Variants in RERG observed in about 807,000 individuals in gnomAD.
The protein encoded by RERG is ras-related and estrogen-regulated growth inhibitor.
Under a neutral mutation model 23.2 loss-of-function variants are expected in RERG, and 25 were observed. The ratio of observed to expected loss-of-function variants is 1.08; its 90% CI spans 0.79 to 1.50. RERG has a LOEUF of 1.50. Among genes scored for constraint, RERG ranks in the 40% most tolerant of loss-of-function variants. The pLI is 0.00. For synonymous variants in RERG, 81 were observed against 89.1 expected (o/e 0.91, Z 0.51); for missense variants, 253 against 250.1 (o/e 1.01, Z -0.08).
intron 2 of RERG, among the ~76,000 whole-genome samples, chr12:15,160,951 A>G (rs1864595178): frequency 6.6e-6 from 1 of 151,976 alleles, no homozygotes; most frequent in Admixed American, 6.6e-5. Flanking sequence ...CCTGGCCAAC[A>G]TGGTGAAACC....
At chr12:15,138,808 A>C (rs947997853) in intron 2 of RERG, among the ~76,000 whole-genome samples, 2 of 151,870 alleles carry the variant, frequency 1.3e-5, no homozygotes, top group African/African-American at 4.8e-5. Context: ...AGAAGTTTTA[A>C]ATTTTAATAA....
chr12:15,130,805 C>A (rs1295666332), intron 2 of RERG, among the ~76,000 whole-genome samples: 10 of 152,160 alleles, frequency 6.6e-5, no homozygotes, highest in Non-Finnish European at 1.5e-4. Context: ...CTGTACAAAT[C>A]ATTTTTTAAG....
chr12:15,186,642 AG>A (rs1864996600), intron 2 of RERG, among the ~76,000 whole-genome samples: 1 of 152,302 alleles, frequency 6.6e-6, no homozygotes, highest in Admixed American at 6.5e-5. Flanking sequence ...ATTTAGAAGA[AG>A]GAATCAAACA....
At chr12:15,138,851 G>C (rs115989132) in intron 2 of RERG, among the ~76,000 whole-genome samples, 6,186 of 151,410 alleles carry the variant, frequency 0.041, 459 homozygotes, top group African/African-American at 0.14. Flanking sequence ...TATTTTCATG[G>C]ATCTTTCATT....
intron 2 of RERG, among the ~76,000 whole-genome samples, chr12:15,135,371 AT>A (rs1382264555): frequency 1.4e-5 from 2 of 144,094 alleles, no homozygotes; most frequent in African/African-American, 2.5e-5. Context: ...AGACAGTTAT[AT>A]TTTTTTCTTC....
In RERG at chr12:15,109,289, C is replaced by A. The variant is rs145747153; in HGVS notation, c.421G>T (p.Ala141Ser). ...EEGEKLATEL[A>S]CAFYECSACT... ...GCAGAGCACTCGTAAAAAGCACAAGCCAATTCTGTGGCCAGCTTCTCTCCT... is the reference window on the plus strand; with the variant it reads ...GCAGAGCACTCGTAAAAAGCACAAGACAATTCTGTGGCCAGCTTCTCTCCT... The change falls in exon 5 of 5, where the codon GCT (alanine) becomes TCT (serine). Residue 141 changes from alanine (A) to serine (S), a missense_variant. Physicochemically the swap from Ala to Ser is moderately conservative, Grantham distance 99 (BLOSUM62 1). Transcript: ENST00000256953. 23 of 1,614,122 alleles carry A rather than the reference C, an allele frequency of 1.4e-5. No individual in the cohort carries two copies. The East Asian group carries it at 5.1e-4, about 36-fold the overall frequency.
At chr12:15,167,026 T>C (rs1184683023) in intron 2 of RERG, among the ~76,000 whole-genome samples, 1 of 152,268 alleles carries the variant, frequency 6.6e-6, no homozygotes, top group African/African-American at 2.4e-5. Flanking sequence ...GAAAATATAA[T>C]GTCTTACAAG....
chr12:15,186,546 G>GGAGAGGAA (rs1864993826), intron 2 of RERG, among the ~76,000 whole-genome samples: 1 of 152,026 alleles, frequency 6.6e-6, no homozygotes, highest in African/African-American at 2.4e-5. Context: ...AGAAGAGCAA[G>GGAGAGGAA]GAGGAGAGGA....
chr12:15,126,005 G>C (rs1456854056), intron 2 of RERG, among the ~76,000 whole-genome samples: 2 of 150,932 alleles, frequency 1.3e-5, no homozygotes, highest in Non-Finnish European at 3.0e-5. Flanking sequence ...CTAGCCTCAG[G>C]ATCTACATTC....
intron 2 of RERG, among the ~76,000 whole-genome samples, chr12:15,187,569 T>TTG (rs1378766051): frequency 6.6e-6 from 1 of 151,988 alleles, no homozygotes; most frequent in African/African-American, 2.4e-5. Context: ...GAACCTTTTT[T>TTG]TTTTTTGAGA....
At chr12:15,156,656 T>G (rs993188209) in intron 2 of RERG, among the ~76,000 whole-genome samples, 1 of 152,216 alleles carries the variant, frequency 6.6e-6, no homozygotes, top group Non-Finnish European at 1.5e-5. Context: ...TAGTATTTTC[T>G]TTCTAAACAA....
At chr12:15,140,661 G>C (rs1170880771) in intron 2 of RERG, among the ~76,000 whole-genome samples, 2 of 151,894 alleles carry the variant, frequency 1.3e-5, no homozygotes, top group African/African-American at 4.8e-5. Flanking sequence ...ACTTTTAAAG[G>C]ATAATTTCAC....
At chr12:15,201,597 T>G (rs1865216393) in intron 2 of RERG, among the ~76,000 whole-genome samples, 1 of 148,736 alleles carries the variant, frequency 6.7e-6, no homozygotes, top group South Asian at 2.1e-4. Flanking sequence ...TTATTAGTAA[T>G]TAACAATAAT....
At chr12:15,148,585 A>G (rs1864373826) in intron 2 of RERG, among the ~76,000 whole-genome samples, 1 of 152,156 alleles carries the variant, frequency 6.6e-6, no homozygotes, top group Non-Finnish European at 1.5e-5. Flanking sequence ...ATTATTAAGG[A>G]ATACAAGTTA....
chr12:15,141,270 C>T (rs1307566926), intron 2 of RERG, among the ~76,000 whole-genome samples: 2 of 151,978 alleles, frequency 1.3e-5, no homozygotes, highest in Non-Finnish European at 2.9e-5. Context: ...ATTCTCCTGC[C>T]TCAGCCTCCT....
intron 2 of RERG, among the ~76,000 whole-genome samples, chr12:15,132,106 C>T (rs891661046): frequency 6.6e-6 from 1 of 152,094 alleles, no homozygotes; most frequent in Non-Finnish European, 1.5e-5. Context: ...ACATGAACAT[C>T]TTTTTGTTTT....
rs1863534099 is a variant in RERG at position 15,108,226 on chromosome 12, A to G, written c.*884T>C. ...CCTGGCTCAAAGTCTAGACTTCCCAATGGAGGCATGGTTAAGCTCCATTCT... is the reference window on the plus strand; with the variant it reads ...CCTGGCTCAAAGTCTAGACTTCCCAGTGGAGGCATGGTTAAGCTCCATTCT... On this transcript the variant is annotated 3_prime_UTR_variant, in exon 5 of 5. Transcript: ENST00000256953. The G allele has an allele frequency of 6.6e-6, 1 of 152,190 alleles. No individual in the cohort carries two copies. The highest frequency in any genetic ancestry group is 1.5e-5 in the Non-Finnish European group (1 of 68,010). 9.4% of individuals were successfully genotyped at this position (152,190 alleles called of 1,614,324 possible). A position where few individuals can be genotyped will look rare whatever the true frequency, so the allele number is the denominator to read the frequency against.
In RERG at chr12:15,202,375, G is replaced by T. The variant is rs575267732; in HGVS notation, c.61+15054C>A. On this transcript the variant is annotated intron_variant, in intron 2 of 4. Transcript: ENST00000256953. ...CCATATTGTTAATTAAAGGCACTTT[G>T]TTGTAAAGCAGATATCCAGAACTTA... Among the ~76,000 whole-genome samples the T allele has an allele frequency of 5.9e-5, 9 of 151,818 alleles. No individual in the cohort carries two copies. In the East Asian group the frequency reaches 1.7e-3, roughly 29 times the overall value.
intron 2 of RERG, among the ~76,000 whole-genome samples, chr12:15,141,360 TG>T (rs1189723169): frequency 1.3e-5 from 2 of 152,142 alleles, no homozygotes; most frequent in African/African-American, 4.8e-5. Context: ...TTTTACCTAT[TG>T]GCATACCTTA....
Sources: gnomAD v4.1 joint callset for allele counts (sites outside exome capture counted in the v4.1 genomes callset) on GRCh38, gnomAD v4.1.1 for gene constraint, MANE v1.5 for transcripts, NCBI Gene and HGNC (gene_info 2026-07-23, HGNC 2026-07-21) for gene names.